HDAC4: variants seen among roughly 807,000 people sequenced by gnomAD.
HDAC4 encodes the protein histone deacetylase A.
HDAC4 carries 16 observed loss-of-function variants against 135.1 expected under a neutral mutation model. That is an observed-to-expected ratio of 0.12 (90% CI 0.08 to 0.18). HDAC4 has a LOEUF of 0.18. Among genes scored for constraint, HDAC4 ranks in the 10% least tolerant of loss-of-function variants. The pLI is 1.00. For synonymous variants in HDAC4, 685 were observed against 653.4 expected, an observed-to-expected ratio of 1.05 and a Z score of -0.74; for missense variants, 1,143 against 1,511.8, an observed-to-expected ratio of 0.76 and a Z score of 4.05.
intron 22 of HDAC4, among the ~76,000 whole-genome samples, chr2:239,075,408 C>A (rs2034642377): frequency 6.6e-6 from 1 of 151,976 alleles, no homozygotes; most frequent in African/African-American, 2.4e-5. Flanking sequence ...AGGCAGTAGG[C>A]CCACTGATCG....
Position 239,307,464 on chromosome 2 carries a change from C to A in HDAC4, c.22+45214G>T, listed in dbSNP as rs960665631. Among the ~76,000 whole-genome samples, 4 of 152,084 alleles carry A rather than the reference C, an allele frequency of 2.6e-5. No homozygotes were observed. Among genetic ancestry groups the A allele is most frequent in the African/African-American group, 9.7e-5 (4 of 41,410 alleles). On this transcript the variant is annotated intron_variant, in intron 2 of 26. Coordinates refer to ENST00000543185, the MANE Select transcript of HDAC4 (RefSeq NM_001378414.1). This position sits in a 1 kb window ranked among gnomAD's most constrained non-coding sequence, Gnocchi z 4.8. ...AAGACCAAGTGGCTACAAAAGGGAACCCCCCTCCCACCACTAATCAGGGAC... is the reference window on the plus strand; with the variant it reads ...AAGACCAAGTGGCTACAAAAGGGAAACCCCCTCCCACCACTAATCAGGGAC...
intron 3 of HDAC4, among the ~76,000 whole-genome samples, chr2:239,216,588 T>C (rs1198691686): frequency 6.6e-6 from 1 of 152,234 alleles, no homozygotes; most frequent in African/African-American, 2.4e-5. Flanking sequence ...TGAATATTTA[T>C]GGTATGAACA....
chr2:239,050,951 C>A lies in HDAC4; in HGVS notation c.*2146G>T, dbSNP rs887651610. On this transcript the variant is annotated 3_prime_UTR_variant, in exon 27 of 27. Transcript: ENST00000543185. ...AGGCTCCAAAATCCAGGGCTGGCCACGTGGCTGCAGTGGAAAAACCCAAGT... is the reference window on the plus strand; with the variant it reads ...AGGCTCCAAAATCCAGGGCTGGCCAAGTGGCTGCAGTGGAAAAACCCAAGT... 3 of 152,626 alleles carry A rather than the reference C, an allele frequency of 2.0e-5. No individual in the cohort carries two copies. The highest frequency in any genetic ancestry group is 7.2e-5 in the African/African-American group (3 of 41,428). The allele number at this position is 152,626 out of a possible 1,614,324, so 9.5% of individuals were successfully genotyped here.
At chr2:239,074,218 T>G (rs753084059) in intron 22 of HDAC4, among the ~76,000 whole-genome samples, 20 of 152,250 alleles carry the variant, frequency 1.3e-4, no homozygotes, top group Non-Finnish European at 2.2e-4. Flanking sequence ...GAAAAACACA[T>G]TTCCAGCCAT....
At chr2:239,217,088 C>T (rs2046683589) in intron 3 of HDAC4, among the ~76,000 whole-genome samples, 1 of 152,132 alleles carries the variant, frequency 6.6e-6, no homozygotes, top group Non-Finnish European at 1.5e-5. Flanking sequence ...TGGGCCATGG[C>T]AGGCTGCGGG....
intron 3 of HDAC4, among the ~76,000 whole-genome samples, chr2:239,209,798 G>A (rs1224634026): frequency 6.6e-6 from 1 of 152,192 alleles, no homozygotes; most frequent in Non-Finnish European, 1.5e-5. Flanking sequence ...CTATAAAGCC[G>A]CCAGAAGGAG....
At chr2:239,364,072 G>A (rs1348155126) in intron 1 of HDAC4, among the ~76,000 whole-genome samples, 1 of 152,128 alleles carries the variant, frequency 6.6e-6, no homozygotes, top group African/African-American at 2.4e-5. Flanking sequence ...ACCATGTGTT[G>A]GTAAGGATGT....
chr2:239,306,458 C>T lies in HDAC4; in HGVS notation c.22+46220G>A, dbSNP rs2052588772. ...AGGTGCCAGCAAGGACTGACTAATA[C>T]CTGACCCAGGGCCAAGCTATCCTGT... On this transcript the variant is annotated intron_variant, in intron 2 of 26. Transcript: ENST00000543185. This position sits in a 1 kb window ranked among gnomAD's most constrained non-coding sequence, Gnocchi z 4.5. Among the ~76,000 whole-genome samples the T allele has an allele frequency of 6.6e-6, 1 of 152,224 alleles. No individual in the cohort carries two copies. Among genetic ancestry groups the T allele is most frequent in the Middle Eastern group, 3.4e-3 (1 of 294 alleles).
Position 239,052,557 on chromosome 2 carries a change from A to G in HDAC4, c.*540T>C, listed in dbSNP as rs2106378214. The G allele has an allele frequency of 6.4e-6, 1 of 156,034 alleles. No homozygotes were observed. Among genetic ancestry groups the G allele is most frequent in the African/African-American group, 2.4e-5 (1 of 41,506 alleles). 9.7% of individuals were successfully genotyped at this position (156,034 alleles called of 1,614,324 possible). The stretch of plus-strand genomic sequence containing the variant: ...CACCCGGGTGCAGACCCCCCGCCGC[A>G]CACCGCTATGGTTCACAGAGGCGGG... On this transcript the variant is annotated 3_prime_UTR_variant, in exon 27 of 27. Coordinates refer to ENST00000543185, the MANE Select transcript of HDAC4 (RefSeq NM_001378414.1).
chr2:239,208,833 C>T (rs2046209486), intron 3 of HDAC4, among the ~76,000 whole-genome samples: 1 of 152,110 alleles, frequency 6.6e-6, no homozygotes, highest in African/African-American at 2.4e-5. Flanking sequence ...GTATTTCTAA[C>T]AAAAAATGAG....
rs376863736 is a variant in HDAC4, at chr2:239,053,095, T to C, written c.*2A>G. 2 of 1,613,774 alleles carry C rather than the reference T, an allele frequency of 1.2e-6. No homozygotes were observed. The highest frequency in any genetic ancestry group is 1.3e-5 in the African/African-American group (1 of 74,814). Reference sequence around the variant, plus strand: ...CAAGAGAACAGCAGCTTCGAGGGAGTGCTACAGGGGCGGCTCCTCTTCCAT... The same window carrying C: ...CAAGAGAACAGCAGCTTCGAGGGAGCGCTACAGGGGCGGCTCCTCTTCCAT... On this transcript the variant is annotated 3_prime_UTR_variant, in exon 27 of 27. Coordinates refer to ENST00000543185, the MANE Select transcript of HDAC4 (RefSeq NM_001378414.1).
At chr2:239,375,385 C>T (rs972577398) in intron 1 of HDAC4, among the ~76,000 whole-genome samples, 6 of 151,590 alleles carry the variant, frequency 4.0e-5, no homozygotes, top group Non-Finnish European at 7.4e-5. Context: ...CGTCCACTCA[C>T]TTGTCCTCAC....
intron 2 of HDAC4, among the ~76,000 whole-genome samples, chr2:239,273,971 T>G (rs1332288741): frequency 6.6e-6 from 1 of 152,234 alleles, no homozygotes; most frequent in East Asian, 1.9e-4. Flanking sequence ...GTGTTAAAGC[T>G]GTGACAATGG....
chr2:239,215,654 T>C (rs2046591650), intron 3 of HDAC4, among the ~76,000 whole-genome samples: 1 of 151,980 alleles, frequency 6.6e-6, no homozygotes, highest in African/African-American at 2.4e-5. Flanking sequence ...ATGCCACACC[T>C]CTCTCTAATC....
chr2:239,080,155 CAT>C (rs2035168222), intron 22 of HDAC4, among the ~76,000 whole-genome samples: 1 of 152,198 alleles, frequency 6.6e-6, no homozygotes, highest in Non-Finnish European at 1.5e-5. Flanking sequence ...TGGACACACA[CAT>C]ATGCAGACGT....
intron 11 of HDAC4, among the ~76,000 whole-genome samples, chr2:239,131,495 A>G (rs1277531994): frequency 6.6e-6 from 1 of 152,240 alleles, no homozygotes; most frequent in African/African-American, 2.4e-5. Flanking sequence ...GGAAGGAGCA[A>G]CAAGGCAGGG....
chr2:239,144,787 T>A, intron 7 of HDAC4, 73 bp from the exon 8 acceptor site: 2 of 1,485,592 alleles, frequency 1.3e-6, no homozygotes, highest in South Asian at 2.3e-5. Flanking sequence ...GGTGGTTTTT[T>A]AAAAATACGC....
At chr2:239,368,189 T>C (rs188129287) in intron 1 of HDAC4, among the ~76,000 whole-genome samples, 9 of 152,012 alleles carry the variant, frequency 5.9e-5, no homozygotes, top group Admixed American at 5.9e-4. Flanking sequence ...TTTGCAGGAG[T>C]GTGAAGGGCT....
chr2:239,338,658 T>A (rs1236818339), intron 2 of HDAC4, among the ~76,000 whole-genome samples: 2 of 152,206 alleles, frequency 1.3e-5, no homozygotes, highest in Non-Finnish European at 2.9e-5. Context: ...GTTCTCCAAA[T>A]CCTCAGCAGC....
Sources: gnomAD v4.1 joint callset for allele counts (sites outside exome capture counted in the v4.1 genomes callset) on GRCh38, gnomAD v4.1.1 for gene constraint, Gnocchi (gnomAD v3.1) non-coding constraint, MANE v1.5 for transcripts, NCBI Gene and HGNC (gene_info 2026-07-23, HGNC 2026-07-21) for gene names.